The following APAF1 variants were observed in gnomAD, a reference collection of about 807,000 sequenced individuals.
The protein encoded by APAF1 is apoptotic peptidase activating factor 1.
Under a neutral mutation model 152.4 loss-of-function variants are expected in APAF1, and 91 were observed. That is an observed-to-expected ratio of 0.60 (90% confidence interval 0.50 to 0.71). The LOEUF (loss-of-function observed/expected upper bound fraction) is 0.71. Among genes scored for constraint, APAF1 ranks in the 30% least tolerant of loss-of-function variants. APAF1 has a pLI of 0.00. For synonymous variants in APAF1, 484 were observed against 494.1 expected (o/e 0.98, Z 0.27); for missense variants, 1,283 against 1,472.0 (o/e 0.87, Z 2.10).
chr12:98,680,851 C>A (rs2097691496), intron 14 of APAF1, among the ~76,000 whole-genome samples: 1 of 152,154 alleles, frequency 6.6e-6, no homozygotes, highest in African/African-American at 2.4e-5. Flanking sequence ...GGTTAAATAT[C>A]AGTTGAAATC....
At chr12:98,728,557 T>TA (rs34313440) in intron 26 of APAF1, among the ~76,000 whole-genome samples, 17 of 151,708 alleles carry the variant, frequency 1.1e-4, no homozygotes, top group African/African-American at 4.1e-4. Flanking sequence ...CCATCTCTGC[T>TA]AAAAAATACA....
Position 98,683,315 on chromosome 12 carries a change from C to T in APAF1, c.2178+41C>T, listed in dbSNP as rs377727906. On this transcript the variant is annotated intron_variant, in intron 15 of 26. Coordinates refer to ENST00000551964, the MANE Select transcript of APAF1 (RefSeq NM_181861.2). ...GAGAATTAGGTAGATAAATTTGATT[C>T]GTACATCAGAGTATCTCCTTTGATT... is the stretch of plus-strand genomic sequence containing the variant. The T allele has an allele frequency of 1.3e-5, 21 of 1,598,874 alleles. No homozygotes were observed. The East Asian group carries it at 3.6e-4, about 27-fold the overall frequency.
chr12:98,719,025 A>C (rs1365886513), intron 22 of APAF1, among the ~76,000 whole-genome samples: 1 of 152,080 alleles, frequency 6.6e-6, no homozygotes, highest in South Asian at 2.1e-4. Flanking sequence ...TGATGCCCTT[A>C]TCCTCGTTCT....
chr12:98,712,509 C>T (rs1298782070), intron 21 of APAF1, 74 bp downstream of exon 21: 2 of 898,058 alleles, frequency 2.2e-6, no homozygotes, highest in Non-Finnish European at 3.7e-6. Flanking sequence ...GCATTGTGCA[C>T]TTCTATTTTT....
At chr12:98,708,843 A>G in intron 20 of APAF1, 139 bp downstream of exon 20, 1 of 789,358 alleles carries the variant, frequency 1.3e-6, no homozygotes, top group South Asian at 1.8e-5. Context: ...TTAAATAAAT[A>G]TATATAAGTC....
At chr12:98,732,232 C>T (rs2097763286) in intron 26 of APAF1, among the ~76,000 whole-genome samples, 188 bp from the exon 27 acceptor site, 1 of 152,206 alleles carries the variant, frequency 6.6e-6, no homozygotes, top group African/African-American at 2.4e-5. Context: ...GTGAGGCCAT[C>T]ACCAGTGTTC....
chr12:98,660,085 C>T (rs892294485), intron 5 of APAF1, among the ~76,000 whole-genome samples: 1 of 152,180 alleles, frequency 6.6e-6, no homozygotes, highest in Non-Finnish European at 1.5e-5. Flanking sequence ...GTGGCTCATG[C>T]CTGTAGTCCC....
chr12:98,703,929 A>G (rs931004372), intron 18 of APAF1, among the ~76,000 whole-genome samples: 1 of 152,222 alleles, frequency 6.6e-6, no homozygotes, highest in Non-Finnish European at 1.5e-5. Flanking sequence ...AGGATAAGAT[A>G]GGATGTTCAT....
At chr12:98,700,300 T>C (rs1421180265) in intron 17 of APAF1, among the ~76,000 whole-genome samples, 1 of 152,222 alleles carries the variant, frequency 6.6e-6, no homozygotes, top group African/African-American at 2.4e-5. Flanking sequence ...AACCAGATCT[T>C]CTGATTTATG....
chr12:98,675,373 A>C (rs960930384), intron 12 of APAF1, among the ~76,000 whole-genome samples: 1 of 152,210 alleles, frequency 6.6e-6, no homozygotes, highest in African/African-American at 2.4e-5. Context: ...AGAACATTTT[A>C]AAATCTAATC....
At chr12:98,653,411 C>A (rs1395018204) in intron 4 of APAF1, among the ~76,000 whole-genome samples, 1 of 151,102 alleles carries the variant, frequency 6.6e-6, no homozygotes, top group African/African-American at 2.4e-5. Context: ...AATCCCAGCA[C>A]TCTGGGAGGC....
intron 16 of APAF1, among the ~76,000 whole-genome samples, chr12:98,689,732 A>G (rs2097702210): frequency 6.6e-6 from 1 of 152,208 alleles, no homozygotes; most frequent in Non-Finnish European, 1.5e-5. Flanking sequence ...TACTGGGATC[A>G]CAGACATGAG....
chr12:98,702,021 C>A (rs1016178275), intron 17 of APAF1, among the ~76,000 whole-genome samples: 1 of 152,174 alleles, frequency 6.6e-6, no homozygotes, highest in Non-Finnish European at 1.5e-5. Context: ...TCCGGCGCTA[C>A]GCTGCCTACC....
chr12:98,671,484 G>A, intron 11 of APAF1, 51 bp from the exon 12 acceptor site: 13 of 1,533,212 alleles, frequency 8.5e-6, no homozygotes, highest in African/African-American at 1.4e-5. Context: ...ATGGAAAAAT[G>A]TCAGATCGTG....
intron 16 of APAF1, among the ~76,000 whole-genome samples, chr12:98,696,240 C>T (rs749018529): frequency 6.6e-6 from 1 of 152,090 alleles, no homozygotes; most frequent in Non-Finnish European, 1.5e-5. Flanking sequence ...TGAGGGCCTT[C>T]GGCTGCTTCC....
rs73142307 is a variant in APAF1, at chr12:98,677,505, A to T, written c.1874A>T (p.Glu625Val). The change falls in exon 13 of 27, where the codon GAG (glutamate) becomes GTG (valine). Residue 625 changes from glutamate to valine, a missense_variant. By Grantham distance (121) the Glu-to-Val change is moderately radical. Coordinates refer to ENST00000551964, the MANE Select transcript of APAF1 (RefSeq NM_181861.2). ...TDAVYHACFSEDGQRIASCGA... is the reference protein window; with the variant it reads ...TDAVYHACFSVDGQRIASCGA... ...GCTGTTTACCATGCCTGCTTTTCTG[A>T]GGATGGTCAGAGAATAGCTTCTTGT... is the stretch of plus-strand genomic sequence containing the variant. The T allele has an allele frequency of 1.2e-6, 2 of 1,613,976 alleles. No individual in the cohort carries two copies.
intron 16 of APAF1, among the ~76,000 whole-genome samples, chr12:98,692,093 A>T (rs2097704845): frequency 6.6e-6 from 1 of 151,614 alleles, no homozygotes; most frequent in Admixed American, 6.6e-5. Flanking sequence ...TTTCATTATT[A>T]TTTTTTTTAG....
rs577377731 is a variant in APAF1 at position 98,648,213 on chromosome 12, A to C, written c.-41-106A>C. On this transcript the variant is annotated intron_variant, in intron 1 of 26. Coordinates refer to ENST00000551964, the MANE Select transcript of APAF1 (RefSeq NM_181861.2). ...GTCCATTTAAAAATTTTTGCCAAGG[A>C]AAAAAAATCAGTTTTGTTCTTTTTA... 2.6e-6 allele frequency: 3 copies of C among 1,171,788 alleles called. No homozygotes were observed. In the South Asian group the frequency reaches 4.2e-5, roughly 16 times the overall value. 72.6% of individuals were successfully genotyped at this position (1,171,788 alleles called of 1,614,324 possible).
chr12:98,716,320 CACAG>C (rs1403409995), intron 22 of APAF1, among the ~76,000 whole-genome samples: 1 of 152,210 alleles, frequency 6.6e-6, no homozygotes, highest in Non-Finnish European at 1.5e-5. Context: ...TGCACACGTT[CACAG>C]ACACTCATTT....
Sources: allele counts gnomAD v4.1 joint callset (sites outside exome capture counted in the v4.1 genomes callset), GRCh38; gene constraint gnomAD v4.1.1; transcripts MANE v1.5; gene names NCBI Gene and HGNC (gene_info 2026-07-23, HGNC 2026-07-21).